POLR1C: variants seen among roughly 807,000 people sequenced by gnomAD.
The protein encoded by POLR1C is DNA-directed RNA polymerases I and III subunit RPAC1.
In POLR1C, 42 loss-of-function variants were observed where a neutral mutation model predicts 38.3. The observed-to-expected ratio is 1.10, with a 90% CI of 0.86 to 1.42. POLR1C has a LOEUF of 1.42. Among genes scored for constraint, POLR1C ranks in the 40% most tolerant of loss-of-function variants. POLR1C has a pLI of 0.00. For synonymous variants in POLR1C, 163 were observed against 163.9 expected (o/e 0.99, Z 0.04); for missense variants, 507 against 450.5 (o/e 1.13, Z -1.14).
At chr6:43,525,156 A>T, downstream of POLR1C, 1 of 1,585,012 alleles carries the variant, frequency 6.3e-7, no homozygotes, top group Non-Finnish European at 8.6e-7. Context: ...CTGGCAGGAC[A>T]GAGTATCTTT....
chr6:43,520,033 A>G, intron 4 of POLR1C, 33 bp from the exon 5 acceptor site: 1 of 1,613,122 alleles, frequency 6.2e-7, no homozygotes, highest in South Asian at 1.1e-5. Flanking sequence ...TCAGACGTTT[A>G]CTAGTTCTTA....
chr6:43,538,361 G>C (rs1794482513), intron 9 of POLR1C, among the ~76,000 whole-genome samples: 1 of 151,836 alleles, frequency 6.6e-6, no homozygotes. Flanking sequence ...ATGTTGGCCA[G>C]GTTGGTCTCA....
chr6:43,524,332 A>G, downstream of POLR1C: 4 of 1,211,562 alleles, frequency 3.3e-6, no homozygotes, highest in Admixed American at 2.9e-5. Context: ...AGCCTGGGCA[A>G]CAAGAGTGAA....
downstream of POLR1C, chr6:43,525,171 G>C (rs752501082): frequency 1.9e-6 from 3 of 1,585,126 alleles, no homozygotes; most frequent in African/African-American, 2.7e-5. Context: ...ATCTTTCCAG[G>C]CCAGGGAATT....
intron 8 of POLR1C, chr6:43,527,190 AT>A (rs1793651354): frequency 4.8e-6 from 1 of 209,892 alleles, no homozygotes; most frequent in Admixed American, 5.2e-5. Context: ...TCAGCTTGCA[AT>A]TCATAAAGTA....
intron 3 of POLR1C, 117 bp downstream of exon 3, chr6:43,519,557 T>C: frequency 7.0e-7 from 1 of 1,424,708 alleles, no homozygotes; most frequent in Non-Finnish European, 9.9e-7. Flanking sequence ...GGAATTTTGC[T>C]GAGCATTTTA....
chr6:43,525,328 TGG>T (rs1793508118), downstream of POLR1C: 1 of 1,028,734 alleles, frequency 9.7e-7, no homozygotes, highest in East Asian at 2.6e-5. Context: ...CCTCTAAAGA[TGG>T]GTTTGTTTTG....
At chr6:43,558,614 G>C (rs1426041111) in intron 10 of POLR1C, 2 of 1,545,726 alleles carry the variant, frequency 1.3e-6, no homozygotes, top group African/African-American at 2.7e-5. Context: ...AGGTAATTGG[G>C]GTAGGGGATG....
intron 9 of POLR1C, among the ~76,000 whole-genome samples, chr6:43,544,730 T>C (rs921164731): frequency 6.6e-6 from 1 of 152,128 alleles, no homozygotes; most frequent in Admixed American, 6.5e-5. Flanking sequence ...CTGGGCAACA[T>C]GGCAAAACCC....
intron 9 of POLR1C, among the ~76,000 whole-genome samples, chr6:43,535,769 G>A (rs910136603): frequency 6.2e-5 from 9 of 145,500 alleles, no homozygotes; most frequent in Non-Finnish European, 8.9e-5. Context: ...AGCTGAAATC[G>A]CGCCACTGCA....
chr6:43,525,916 C>A, downstream of POLR1C: 1 of 1,613,970 alleles, frequency 6.2e-7, no homozygotes, highest in Non-Finnish European at 8.5e-7. Flanking sequence ...GCCATCATTT[C>A]TTCATCTGTT....
At chr6:43,526,794 A>C in intron 8 of POLR1C, 1 of 1,591,492 alleles carries the variant, frequency 6.3e-7, no homozygotes, top group Non-Finnish European at 8.6e-7. Flanking sequence ...GGTATATACT[A>C]CCACAACAGC....
At chr6:43,547,311 C>T (rs1795010828) in intron 9 of POLR1C, 1 of 458,248 alleles carries the variant, frequency 2.2e-6, no homozygotes, top group Non-Finnish European at 4.0e-6. Flanking sequence ...GCAGGGAGGA[C>T]TCACCCTGCT....
downstream of POLR1C, chr6:43,525,301 T>G (rs1418202806): frequency 1.5e-6 from 2 of 1,328,296 alleles, no homozygotes; most frequent in African/African-American, 3.0e-5. Flanking sequence ...CGGAGGGTTT[T>G]TTTTTTTTCC....
At chr6:43,527,272 A>G (rs1447465837) in intron 8 of POLR1C, 1 of 213,442 alleles carries the variant, frequency 4.7e-6, no homozygotes, top group East Asian at 1.2e-4. Context: ...GTGTTGCTAC[A>G]AACATGAACT....
intron 9 of POLR1C, chr6:43,546,717 C>G (rs1286964120): frequency 6.2e-7 from 1 of 1,611,340 alleles, no homozygotes; most frequent in Non-Finnish European, 8.5e-7. Flanking sequence ...AAGTTCGTTT[C>G]ACCACACCCA....
chr6:43,521,513 ACT>A, downstream of POLR1C: 1 of 1,299,664 alleles, frequency 7.7e-7, no homozygotes, highest in Non-Finnish European at 9.9e-7. Context: ...AAACAAAAAA[ACT>A]TTTTGAGACT....
chr6:43,562,194 A>C, exon 11 of POLR1C: 1 of 1,455,568 alleles, frequency 6.9e-7, no homozygotes, highest in Non-Finnish European at 9.4e-7. Flanking sequence ...TAAGTTTCTA[A>C]ATGCTCTTCC....
chr6:43,540,086 T>A (rs571618926), intron 9 of POLR1C, among the ~76,000 whole-genome samples: 1 of 152,286 alleles, frequency 6.6e-6, no homozygotes, highest in South Asian at 2.1e-4. Flanking sequence ...TGAAACCCTG[T>A]CTCTACTGAA....
Sources: allele counts gnomAD v4.1 joint callset (sites outside exome capture counted in the v4.1 genomes callset), GRCh38; gene constraint gnomAD v4.1.1; transcripts MANE v1.5; gene names NCBI Gene and HGNC (gene_info 2026-07-23, HGNC 2026-07-21).